Variants in CNOT4 observed in about 807,000 individuals in gnomAD.
CNOT4 encodes CCR4-associated factor 4.
A neutral mutation model predicts 73.8 loss-of-function variants in CNOT4; 8 were observed. The ratio of observed to expected loss-of-function variants is 0.11; its 90% confidence interval spans 0.06 to 0.20. The LOEUF (loss-of-function observed/expected upper bound fraction) is 0.20, where lower values mean the gene tolerates loss of function less well. Ranked by LOEUF, CNOT4 falls within the 10% of genes least tolerant of loss-of-function variation. The pLI, the probability that CNOT4 is intolerant of heterozygous loss-of-function variation, is 1.00. For missense variants in CNOT4, 564 were observed against 883.4 expected, an observed-to-expected ratio of 0.64 and a Z score of 4.58; for synonymous variants, 293 against 321.1, an observed-to-expected ratio of 0.91 and a Z score of 0.94.
chr7:135,373,186 A>G (rs1268400174), intron 10 of CNOT4, among the ~76,000 whole-genome samples: 2 of 152,254 alleles, frequency 1.3e-5, no homozygotes, highest in Non-Finnish European at 2.9e-5. Flanking sequence ...GAGGAAAGTG[A>G]AAAATGCTGA....
At chr7:135,428,693 T>A (rs1221204796) in intron 2 of CNOT4, among the ~76,000 whole-genome samples, 1 of 151,756 alleles carries the variant, frequency 6.6e-6, no homozygotes, top group East Asian at 1.9e-4. Flanking sequence ...GAAAAGAGAT[T>A]AAGAGACATA....
chr7:135,503,875 G>T (rs189495878), intron 1 of CNOT4, among the ~76,000 whole-genome samples: 1 of 152,014 alleles, frequency 6.6e-6, no homozygotes, highest in African/African-American at 2.4e-5. Flanking sequence ...TTCACAAGAC[G>T]GTCCACCCAA....
At chr7:135,420,074 C>CA (rs57425190) in intron 3 of CNOT4, among the ~76,000 whole-genome samples, 152,083 of 152,104 alleles carry the variant, frequency 1, 76,031 homozygotes, top group Middle Eastern at 1. Flanking sequence ...ATCACATACC[C>CA]AAAGAGGTAG....
intron 7 of CNOT4, 115 bp from the exon 8 acceptor site, chr7:135,398,341 T>A: frequency 1.6e-6 from 1 of 645,020 alleles, no homozygotes; most frequent in East Asian, 2.7e-5. Context: ...CAAATGTTTA[T>A]TGAGGTACTG....
At chr7:135,396,320 C>T (rs572270873) in intron 8 of CNOT4, among the ~76,000 whole-genome samples, 19 of 151,678 alleles carry the variant, frequency 1.3e-4, no homozygotes, top group Admixed American at 5.3e-4. Flanking sequence ...GGTTTCACCG[C>T]ATTATCCAGG....
chr7:135,392,751 T>C (rs1458030128), intron 10 of CNOT4, among the ~76,000 whole-genome samples: 2 of 152,172 alleles, frequency 1.3e-5, no homozygotes, highest in African/African-American at 4.8e-5. Flanking sequence ...AATTTCACTA[T>C]GTCAACAGCC....
rs967135738 is a variant in CNOT4 at position 135,363,343 on chromosome 7, A to G, written c.1841-157T>C. Among the ~76,000 whole-genome samples, 1 of 152,212 alleles carries G rather than the reference A, an allele frequency of 6.6e-6. No homozygotes were observed. The highest frequency in any genetic ancestry group is 1.5e-5 in the Non-Finnish European group (1 of 68,042). ...AGACCTTTTAAACCAATCCTCCCCC[A>G]ACAACAAAGAACTTATTGGCACACA... On this transcript the variant is annotated intron_variant, in intron 11 of 11. Coordinates refer to ENST00000541284, the MANE Select transcript of CNOT4 (RefSeq NM_001190850.2). The surrounding 1 kb of genome is among the most constrained non-coding windows in gnomAD (Gnocchi z 4.3).
intron 1 of CNOT4, among the ~76,000 whole-genome samples, chr7:135,458,538 A>G (rs1800685673): frequency 6.6e-6 from 1 of 152,060 alleles, no homozygotes; most frequent in Non-Finnish European, 1.5e-5. Context: ...CATTTTACCC[A>G]CGTAGAACCT....
intron 1 of CNOT4, among the ~76,000 whole-genome samples, chr7:135,464,337 G>A (rs1178605846): frequency 6.6e-6 from 1 of 152,134 alleles, no homozygotes. Context: ...ATACACCATG[G>A]AATACTATGT....
At chr7:135,469,506 G>A (rs925613501) in intron 1 of CNOT4, among the ~76,000 whole-genome samples, 16 of 152,034 alleles carry the variant, frequency 1.1e-4, no homozygotes, top group Admixed American at 9.8e-4. Context: ...AAAGCAGTCA[G>A]GTGTAAAAAT....
intron 1 of CNOT4, chr7:135,444,653 T>C: frequency 8.6e-7 from 1 of 1,160,714 alleles, no homozygotes; most frequent in Non-Finnish European, 1.3e-6. Context: ...TCCACTGGAC[T>C]AGCAAGAAGG....
intron 1 of CNOT4, among the ~76,000 whole-genome samples, chr7:135,439,686 A>G (rs985490531): frequency 6.6e-6 from 1 of 152,220 alleles, no homozygotes; most frequent in African/African-American, 2.4e-5. Flanking sequence ...GGCTTGAAGC[A>G]GGAGCATCGC....
At chr7:135,403,806 TA>T (rs1269844168) in intron 7 of CNOT4, among the ~76,000 whole-genome samples, 1 of 152,210 alleles carries the variant, frequency 6.6e-6, no homozygotes, top group Non-Finnish European at 1.5e-5. Flanking sequence ...GGACATCTAC[TA>T]GCCTAAACAT....
intron 2 of CNOT4, among the ~76,000 whole-genome samples, chr7:135,426,557 C>T (rs538763069): frequency 4.8e-5 from 7 of 146,608 alleles, no homozygotes; most frequent in African/African-American, 5.1e-5. Flanking sequence ...GAGCCGAGAT[C>T]GTGCCACTGC....
Position 135,362,627 on chromosome 7 carries a change from TCTCTCC to T in CNOT4, c.*252_*257del. ...TTGAGACTGCCCTTTGATTTTTTTT[TCTCTCC>T]TTAAAAAGGCATTTTTAGAAACATT... On this transcript the variant is annotated 3_prime_UTR_variant, in exon 12 of 12. Coordinates refer to ENST00000541284, the MANE Select transcript of CNOT4 (RefSeq NM_001190850.2). The T allele has an allele frequency of 1.7e-6, 1 of 586,626 alleles. No homozygotes were observed. The highest frequency in any genetic ancestry group is 3.0e-6 in the Non-Finnish European group (1 of 327,980). The allele number at this position is 586,626 out of a possible 1,614,324, so 36.3% of individuals were successfully genotyped here. A position where few individuals can be genotyped will look rare whatever the true frequency, so the allele number is the denominator to read the frequency against.
chr7:135,427,105 T>G lies in CNOT4; in HGVS notation c.175-4752A>C, dbSNP rs146564922. Among the ~76,000 whole-genome samples the G allele has an allele frequency of 2.6e-3, 395 of 152,296 alleles. 2 individuals are homozygous for G. The highest frequency in any genetic ancestry group is 9.0e-3 in the African/African-American group (376 of 41,572). On this transcript the variant is annotated intron_variant, in intron 2 of 11. Coordinates refer to ENST00000541284, the MANE Select transcript of CNOT4 (RefSeq NM_001190850.2). ...TTGCCTATGGAGAAGTATTTAGATA[T>G]AACACTATTTTTAATAGTTATAAAC...
chr7:135,424,245 A>G (rs1798368678), intron 2 of CNOT4, among the ~76,000 whole-genome samples: 2 of 151,970 alleles, frequency 1.3e-5, no homozygotes, highest in Admixed American at 1.3e-4. Context: ...TTCCTTCTCC[A>G]CTTACTTTTC....
intron 1 of CNOT4, among the ~76,000 whole-genome samples, chr7:135,484,238 T>C (rs1802574984): frequency 6.6e-6 from 1 of 151,890 alleles, no homozygotes; most frequent in African/African-American, 2.4e-5. Flanking sequence ...AAATAGTATA[T>C]TTTCCCCTAA....
chr7:135,399,728 C>A (rs1374520905), intron 7 of CNOT4, among the ~76,000 whole-genome samples: 2 of 152,058 alleles, frequency 1.3e-5, no homozygotes, highest in East Asian at 3.8e-4. Context: ...GCATCTTCTG[C>A]AGACATTGCC....
Sources: allele counts gnomAD v4.1 joint callset (sites outside exome capture counted in the v4.1 genomes callset), GRCh38; gene constraint gnomAD v4.1.1; non-coding constraint Gnocchi (gnomAD v3.1); transcripts MANE v1.5; gene names NCBI Gene and HGNC (gene_info 2026-07-23, HGNC 2026-07-21).